Variants in NFATC3 observed in about 807,000 individuals in gnomAD.
NFATC3 encodes the protein nuclear factor of activated T-cells, cytoplasmic 3.
In NFATC3, 46 loss-of-function variants were observed where a neutral mutation model predicts 98.6. The observed-to-expected ratio is 0.47, with a 90% CI of 0.37 to 0.60. The LOEUF is 0.60. Ranked by LOEUF, NFATC3 falls within the 20% of genes least tolerant of loss-of-function variation. The probability of loss-of-function intolerance (pLI) is 0.00; values close to 1 mark genes in which losing one functional copy is unlikely to be tolerated. For synonymous variants in NFATC3, 512 were observed against 472.2 expected (o/e 1.08, Z -1.09); for missense variants, 1,256 against 1,295.5 (o/e 0.97, Z 0.47).
chr16:68,101,554 G>A (rs1256280084), intron 1 of NFATC3, among the ~76,000 whole-genome samples: 3 of 151,800 alleles, frequency 2.0e-5, no homozygotes, highest in Non-Finnish European at 4.4e-5. Context: ...CGCGATCTCG[G>A]CTCACTGCAA....
At chr16:68,182,178 AAG>A (rs1380061962) in intron 7 of NFATC3, among the ~76,000 whole-genome samples, 1 of 152,184 alleles carries the variant, frequency 6.6e-6, no homozygotes, top group African/African-American at 2.4e-5. Flanking sequence ...AAAAATGAGA[AAG>A]AACATATGTA....
At chr16:68,123,773 C>T (rs148018782) in intron 2 of NFATC3, among the ~76,000 whole-genome samples, 5,710 of 151,926 alleles carry the variant, frequency 0.038, 120 homozygotes, top group Middle Eastern at 0.15. Flanking sequence ...GCCGTTGAGC[C>T]CCAGAGTTCA....
chr16:68,098,031 A>G (rs1169305082), intron 1 of NFATC3, among the ~76,000 whole-genome samples: 2 of 152,094 alleles, frequency 1.3e-5, no homozygotes, highest in African/African-American at 4.8e-5. Context: ...TGAGTGTATC[A>G]GTAGGTCATT....
rs554994999 is a variant in NFATC3 at position 68,196,368 on chromosome 16, G to C, written c.3106+4593G>C. ...ACTCCTGACCTCAGGTGATCTGCCTGCCTCAGCCTCCCAAAGTGCTGGGAT... is the reference window on the plus strand; with the variant it reads ...ACTCCTGACCTCAGGTGATCTGCCTCCCTCAGCCTCCCAAAGTGCTGGGAT... On this transcript the variant is annotated intron_variant, in intron 9 of 9. Coordinates refer to ENST00000346183, the MANE Select transcript of NFATC3 (RefSeq NM_173165.3). 3.3e-5 allele frequency among the ~76,000 whole-genome samples: 5 copies of C among 152,146 alleles called. No homozygotes were observed. The East Asian group carries it at 7.8e-4, about 24-fold the overall frequency.
At chr16:68,150,855 T>C (rs1468827566) in intron 3 of NFATC3, among the ~76,000 whole-genome samples, 2 of 151,836 alleles carry the variant, frequency 1.3e-5, no homozygotes, top group Non-Finnish European at 2.9e-5. Flanking sequence ...TTTGTAAGTG[T>C]TTGGTAGTTT....
At chr16:68,206,877 G>T (rs2151147577) in intron 9 of NFATC3, among the ~76,000 whole-genome samples, 1 of 151,892 alleles carries the variant, frequency 6.6e-6, no homozygotes, top group South Asian at 2.1e-4. Flanking sequence ...TAGCTACTCA[G>T]GAGGCTGAGA....
chr16:68,090,853 T>A (rs895815980), intron 1 of NFATC3, among the ~76,000 whole-genome samples: 1 of 152,142 alleles, frequency 6.6e-6, no homozygotes, highest in African/African-American at 2.4e-5. Flanking sequence ...TTCTGTAGAG[T>A]TGAATGTAGT....
At chr16:68,112,818 G>A (rs192579181) in intron 1 of NFATC3, among the ~76,000 whole-genome samples, 10 of 150,260 alleles carry the variant, frequency 6.7e-5, no homozygotes, top group East Asian at 2.0e-4. Flanking sequence ...TTGTTTGCCC[G>A]TCTTATTTTA....
At chr16:68,088,821 A>G in intron 1 of NFATC3, 2 of 257,472 alleles carry the variant, frequency 7.8e-6, no homozygotes, top group Non-Finnish European at 1.2e-5. Flanking sequence ...GGCATGGGCC[A>G]CTGCACCCTG....
At chr16:68,111,955 T>A (rs1257403851) in intron 1 of NFATC3, among the ~76,000 whole-genome samples, 1 of 152,230 alleles carries the variant, frequency 6.6e-6, no homozygotes, top group African/African-American at 2.4e-5. Flanking sequence ...GCATCCAATC[T>A]CTTCTGGCTT....
intron 2 of NFATC3, among the ~76,000 whole-genome samples, chr16:68,125,604 A>G (rs1180441218): frequency 6.6e-6 from 1 of 152,136 alleles, no homozygotes; most frequent in South Asian, 2.1e-4. Flanking sequence ...GCGGGAAGTG[A>G]TAACTTCAGT....
At chr16:68,118,468 T>TG (rs2036405163) in intron 1 of NFATC3, among the ~76,000 whole-genome samples, 1 of 152,230 alleles carries the variant, frequency 6.6e-6, no homozygotes, top group South Asian at 2.1e-4. Context: ...CTTCTTCACT[T>TG]GGCTTCTGGG....
chr16:68,182,975 A>G (rs2040011206), intron 7 of NFATC3, among the ~76,000 whole-genome samples: 1 of 152,250 alleles, frequency 6.6e-6, no homozygotes. Context: ...CTCACTACAT[A>G]GTATGTAAGA....
At chr16:68,163,276 G>A (rs1391422295) in intron 4 of NFATC3, among the ~76,000 whole-genome samples, 1 of 151,988 alleles carries the variant, frequency 6.6e-6, no homozygotes, top group Non-Finnish European at 1.5e-5. Context: ...CGGGGTGGTG[G>A]CCGGGCAGAG....
intron 1 of NFATC3, among the ~76,000 whole-genome samples, chr16:68,109,152 A>C (rs1320171340): frequency 1.3e-5 from 2 of 152,158 alleles, no homozygotes. Flanking sequence ...GTCTTGTGTC[A>C]ATATTCAAGG....
In NFATC3 at chr16:68,085,769, G is replaced by A; in HGVS notation, c.88G>A (p.Gly30Ser). 1 of 1,496,134 alleles carries A rather than the reference G, an allele frequency of 6.7e-7. No individual in the cohort carries two copies. The highest frequency in any genetic ancestry group is 1.3e-5 in the South Asian group (1 of 79,416). The allele number at this position is 1,496,134 out of a possible 1,614,324, so 92.7% of individuals were successfully genotyped here. Reference sequence around the variant, plus strand: ...CGGGGCGCCGGCGCCGCCGCCCCCGGGCTCGCGGCCTGCAGGTGGGTGCCG... The same window carrying A: ...CGGGGCGCCGGCGCCGCCGCCCCCGAGCTCGCGGCCTGCAGGTGGGTGCCG... ...EDGAPAPPPP[G>S]SRPADLEPDD... Residue 30 changes from glycine (G) to serine (S), a missense_variant, in exon 1 of 10, where the codon GGC (glycine) becomes AGC (serine). Around this residue, in one of 3 missense-constraint regions of NFATC3, gnomAD observed 464 missense variants for 465.7 expected, o/e 1.00. Transcript: ENST00000346183.
At position 68,183,264 on chromosome 16, in the gene NFATC3, C is replaced by G; in HGVS notation, c.1996C>G (p.Pro666Ala). 6.3e-7 allele frequency: 1 copy of G among 1,596,318 alleles called. No individual in the cohort carries two copies. Among genetic ancestry groups the G allele is most frequent in the Middle Eastern group, 1.7e-4 (1 of 5,960 alleles). The change falls in exon 8 of 10, where the codon CCA becomes GCA. Residue 666 changes from proline to alanine, a missense_variant. Physicochemically the swap from Pro to Ala is conservative, Grantham distance 27. Coordinates refer to ENST00000346183, the MANE Select transcript of NFATC3 (RefSeq NM_173165.3). The part of the protein sequence containing the change: ...QGAHIVLEVP[P>A]YHNPAVTAAV... ...GGCTCACATTGTCCTTGAAGTTCCT[C>G]CATATCATAACCCAGCAGTTACAGC...
At chr16:68,193,583 C>A (rs565003684) in intron 9 of NFATC3, among the ~76,000 whole-genome samples, 1 of 152,118 alleles carries the variant, frequency 6.6e-6, no homozygotes, top group Admixed American at 6.6e-5. Flanking sequence ...GTGGGAGGAT[C>A]GCTTGAGTCC....
rs2040404805 is a variant in NFATC3, at chr16:68,190,998, G to C, written c.2329G>C (p.Glu777Gln). 4 of 1,614,158 alleles carry C rather than the reference G, an allele frequency of 2.5e-6. No individual in the cohort carries two copies. Among genetic ancestry groups the C allele is most frequent in the East Asian group, 2.2e-5 (1 of 44,880 alleles). ...LQCRDESVSK[E>Q]QHMIPSPIVH... is the part of the protein sequence containing the mutation. Reference sequence around the variant, plus strand: ...GTGTAGAGATGAGAGTGTTAGTAAAGAACAGCATATGATTCCTTCTCCAAT... The same window carrying C: ...GTGTAGAGATGAGAGTGTTAGTAAACAACAGCATATGATTCCTTCTCCAAT... The change falls in exon 9 of 10, where the codon GAA becomes CAA. Residue 777 changes from glutamate (E) to glutamine (Q), a missense_variant. By Grantham distance (29) the Glu-to-Gln change is conservative. This residue lies in a region of NFATC3 where 636 missense variants were observed against 617.3 expected (regional missense o/e 1.03). Transcript: ENST00000346183.
Sources: gnomAD v4.1 joint callset for allele counts (sites outside exome capture counted in the v4.1 genomes callset) on GRCh38, gnomAD v4.1.1 for gene constraint, gnomAD v4.1.1 regional missense constraint, MANE v1.5 for transcripts, NCBI Gene and HGNC (gene_info 2026-07-23, HGNC 2026-07-21) for gene names.